Variants in KLHL13 observed in about 807,000 individuals in gnomAD.
KLHL13 encodes kelch like family member 13.
A neutral mutation model predicts 37.1 loss-of-function variants in KLHL13; 10 were observed. The ratio of observed to expected loss-of-function variants is 0.27; its 90% confidence interval spans 0.17 to 0.46. The LOEUF (loss-of-function observed/expected upper bound fraction) is 0.46, where lower values mean the gene tolerates loss of function less well. Ranked by LOEUF, KLHL13 falls within the 20% of genes least tolerant of loss-of-function variation. KLHL13 has a pLI of 1.00. For synonymous variants in KLHL13, 163 were observed against 181.2 expected, an observed-to-expected ratio of 0.90 and a Z score of 0.81; for missense variants, 360 against 509.3, an observed-to-expected ratio of 0.71 and a Z score of 2.82.
At chrX:117,926,845 G>C (rs1932051839) in intron 2 of KLHL13, among the ~76,000 whole-genome samples, 1 of 86,116 alleles carries the variant, frequency 1.2e-5, no homozygotes, top group Admixed American at 1.4e-4. Flanking sequence ...ACAGTCACCT[G>C]TCAACAGACA....
At chrX:118,060,713 C>A (rs1255074026) in intron 1 of KLHL13, among the ~76,000 whole-genome samples, 1 of 111,288 alleles carries the variant, frequency 9.0e-6, no homozygotes, top group Non-Finnish European at 1.9e-5. Flanking sequence ...ATCTGAACTG[C>A]AACCACTAAA....
intron 1 of KLHL13, among the ~76,000 whole-genome samples, chrX:118,020,192 T>C (rs1198521780): frequency 9.2e-6 from 1 of 108,590 alleles, no homozygotes; most frequent in Non-Finnish European, 1.9e-5. Flanking sequence ...GTAGTTCTCC[T>C]TGAAGAGGTC....
chrX:117,965,449 A>G (rs1602604423), intron 1 of KLHL13, among the ~76,000 whole-genome samples: 1 of 111,214 alleles, frequency 9.0e-6, no homozygotes, highest in South Asian at 3.8e-4. Flanking sequence ...TTTTGTTGTA[A>G]ATTTGTTTGA....
intron 1 of KLHL13, among the ~76,000 whole-genome samples, chrX:118,085,905 G>A (rs1472031036): frequency 9.4e-6 from 1 of 105,937 alleles, no homozygotes; most frequent in African/African-American, 3.4e-5. Flanking sequence ...TATCTTTGCA[G>A]TTGTGAATTG....
chrX:118,039,505 G>A (rs746579793), intron 1 of KLHL13, among the ~76,000 whole-genome samples: 2 of 111,581 alleles, frequency 1.8e-5, no homozygotes, highest in Non-Finnish European at 3.8e-5. Context: ...CTCTGCTTCA[G>A]GAAAGGAGGG....
At chrX:117,920,428 C>T (rs1931627566) in intron 2 of KLHL13, 58 bp from the exon 4 acceptor site, 1 of 1,115,959 alleles carries the variant, frequency 9.0e-7, no homozygotes, top group South Asian at 2.0e-5. Flanking sequence ...TACAAATCTT[C>T]GTGTGCTAAA....
At chrX:118,020,933 T>G (rs1217593573) in intron 1 of KLHL13, among the ~76,000 whole-genome samples, 8 of 89,569 alleles carry the variant, frequency 8.9e-5, no homozygotes, top group African/African-American at 3.4e-4. Flanking sequence ...TAGGTGGGAA[T>G]TGAACAATGA....
intron 1 of KLHL13, among the ~76,000 whole-genome samples, chrX:118,105,963 G>A (rs765879164): frequency 2.2e-5 from 2 of 92,480 alleles, no homozygotes; most frequent in South Asian, 1.2e-3. Flanking sequence ...GTGCAGTAGC[G>A]CGATCTCAGC....
intron 1 of KLHL13, among the ~76,000 whole-genome samples, chrX:117,983,725 C>G (rs1488170247): frequency 9.0e-6 from 1 of 111,280 alleles, no homozygotes; most frequent in Admixed American, 9.6e-5. Flanking sequence ...TTTTAAAAAC[C>G]CTTAACTAGA....
chrX:118,106,790 A>C (rs774762550), intron 1 of KLHL13, among the ~76,000 whole-genome samples: 19 of 112,097 alleles, frequency 1.7e-4, no homozygotes, highest in Non-Finnish European at 3.4e-4. Context: ...AGATTAGTCT[A>C]TCCCTCTAAC....
intron 1 of KLHL13, among the ~76,000 whole-genome samples, chrX:118,050,208 C>T (rs1033101113): frequency 8.9e-6 from 1 of 111,975 alleles, no homozygotes; most frequent in Non-Finnish European, 1.9e-5. Context: ...GACAAGATCC[C>T]TTGGTAGTCC....
intron 1 of KLHL13, among the ~76,000 whole-genome samples, chrX:118,087,494 TA>T (rs1409936686): frequency 9.1e-6 from 1 of 110,213 alleles, no homozygotes; most frequent in Admixed American, 9.8e-5. Context: ...TGAAACACTC[TA>T]AACCAGACAT....
chrX:118,082,910 A>G (rs767874606), intron 1 of KLHL13, among the ~76,000 whole-genome samples: 3 of 111,256 alleles, frequency 2.7e-5, no homozygotes, highest in Non-Finnish European at 5.7e-5. Context: ...TTGGCTGTAT[A>G]TATGTGTATT....
chrX:118,109,667 C>T (rs2055386100), intron 1 of KLHL13, among the ~76,000 whole-genome samples: 1 of 112,474 alleles, frequency 8.9e-6, no homozygotes. Flanking sequence ...AGTACATGTG[C>T]TCCACTTTGA....
rs141837142 is a variant in KLHL13 at position 117,951,001 on chromosome X, T to C, written c.99-5426A>G. 9.8e-5 allele frequency among the ~76,000 whole-genome samples: 11 copies of C among 112,142 alleles called. No individual in the cohort carries two copies. The South Asian group carries it at 1.1e-3, about 11-fold the overall frequency. On this transcript the variant is annotated intron_variant, in intron 1 of 6. Transcript: ENST00000262820. The stretch of plus-strand genomic sequence containing the variant: ...TAAAAACTTAAGATGGTAGAAGCCA[T>C]TTTCCATTGGCTTTTTAAGATAGAG...
At chrX:117,941,160 T>C (rs931460433) in intron 2 of KLHL13, among the ~76,000 whole-genome samples, 5 of 112,073 alleles carry the variant, frequency 4.5e-5, no homozygotes, top group African/African-American at 1.6e-4. Context: ...TGAAGGTGTG[T>C]TGAATTTTGT....
chrX:117,900,897 A>G lies in KLHL13; in HGVS notation c.1480+936T>C, dbSNP rs191088120. On this transcript the variant is annotated intron_variant, in intron 6 of 6. Transcript: ENST00000262820. ...TTCCTAAATTCTACAGGAGAATGAA[A>G]GCAGAAAATGCATTAAAAAAAGAAA... Among the ~76,000 whole-genome samples, 8 of 111,893 alleles carry G rather than the reference A, an allele frequency of 7.1e-5. No homozygotes were observed. In the East Asian group the frequency reaches 2.3e-3, roughly 32 times the overall value.
chrX:118,023,470 T>C (rs7878480), intron 1 of KLHL13, among the ~76,000 whole-genome samples: 5,999 of 111,977 alleles, frequency 0.054, 400 homozygotes, highest in African/African-American at 0.18. Context: ...CTTTTGGTTC[T>C]CATTACATCT....
Position 118,072,361 on chromosome X carries a change from T to C in KLHL13, c.-56+44147A>G, listed in dbSNP as rs1207311220. On this transcript the variant is annotated intron_variant, in intron 1 of 6. Transcript: ENST00000371882. ...GGATTAAAAACTTAAATGTTAGACC[T>C]AAAACCATAAAAACCCTAGAAGAAA... 8.8e-5 allele frequency among the ~76,000 whole-genome samples: 10 copies of C among 113,086 alleles called. No individual in the cohort carries two copies. In the East Asian group the frequency reaches 2.5e-3, roughly 28 times the overall value.
Sources: allele counts gnomAD v4.1 joint callset (sites outside exome capture counted in the v4.1 genomes callset), GRCh38; gene constraint gnomAD v4.1.1; transcripts MANE v1.5; gene names NCBI Gene and HGNC (gene_info 2026-07-23, HGNC 2026-07-21).